The following C9orf72 variants were observed in gnomAD, a reference collection of about 807,000 sequenced individuals.
The protein encoded by C9orf72 is C9orf72-SMCR8 complex subunit, also known as guanine nucleotide exchange factor C9orf72.
In C9orf72, 44 loss-of-function variants were observed where a neutral mutation model predicts 51.6. That is an observed-to-expected ratio of 0.85 (90% CI 0.67 to 1.10). C9orf72 has a LOEUF of 1.10. Among genes scored for constraint, C9orf72 ranks in the 50% least tolerant of loss-of-function variants. The pLI is 0.00. For synonymous variants in C9orf72, 213 were observed against 194.2 expected, an observed-to-expected ratio of 1.10 and a Z score of -0.81; for missense variants, 607 against 570.6, an observed-to-expected ratio of 1.06 and a Z score of -0.65.
At chr9:27,550,145 C>T (rs1285701263) in intron 9 of C9orf72, among the ~76,000 whole-genome samples, 1 of 148,962 alleles carries the variant, frequency 6.7e-6, no homozygotes, top group Non-Finnish European at 1.5e-5. Context: ...TATATATATC[C>T]TACAATGCTG....
intron 5 of C9orf72, chr9:27,560,967 G>T (rs12347222): frequency 0.24 from 47,104 of 196,620 alleles, 5,900 homozygotes; most frequent in East Asian, 0.3. Context: ...TGTTAGCTAT[G>T]AGCTATTATT....
intron 8 of C9orf72, 43 bp from the exon 9 acceptor site, chr9:27,550,750 G>C: frequency 8.4e-7 from 1 of 1,188,354 alleles, no homozygotes; most frequent in Non-Finnish European, 1.2e-6. Flanking sequence ...AAGTTCAAAT[G>C]TTGAAATGGC....
chr9:27,558,649 A>G (rs1426573750), intron 6 of C9orf72, 42 bp from the exon 7 acceptor site: 4 of 1,004,522 alleles, frequency 4.0e-6, no homozygotes, highest in Non-Finnish European at 6.1e-6. Flanking sequence ...TGAAGTAAAA[A>G]GACCACTGAT....
At chr9:27,569,224 A>T in intron 1 of C9orf72, among the ~76,000 whole-genome samples, 2 of 152,342 alleles carry the variant, frequency 1.3e-5, no homozygotes, top group Middle Eastern at 3.4e-3. Context: ...AAGTTTACAA[A>T]GTTAAAAAGT....
rs766352238 is a variant in C9orf72, at chr9:27,556,586, T to G, written c.1066A>C (p.Thr356Pro). 2 of 1,613,524 alleles carry G rather than the reference T, an allele frequency of 1.2e-6. No homozygotes were observed. The highest frequency in any genetic ancestry group is 1.7e-6 in the Non-Finnish European group (2 of 1,179,460). The change falls in exon 8 of 11, where the codon ACT becomes CCT. Residue 356 changes from threonine to proline, a missense_variant. Transcript: ENST00000380003. ...EDMAQDTIIYTDESFTPDLNI... is the reference protein window; with the variant it reads ...EDMAQDTIIYPDESFTPDLNI... ...AAATCAGGAGTAAAGCTTTCGTCAG[T>G]GTAGATGATCGTATCCTGAGCCATG...
chr9:27,573,208 GCGCCGCCGC>G (rs546630378), intron 1 of C9orf72, among the ~76,000 whole-genome samples: 7 of 151,798 alleles, frequency 4.6e-5, no homozygotes, highest in Admixed American at 1.3e-4. Context: ...CCTTGTCCCT[GCGCCGCCGC>G]CGCCGCCGCC....
At chr9:27,562,938 G>A (rs574450431) in intron 3 of C9orf72, among the ~76,000 whole-genome samples, 1 of 152,110 alleles carries the variant, frequency 6.6e-6, no homozygotes, top group African/African-American at 2.4e-5. Context: ...ATTCTTTAGA[G>A]AGTATGGAAT....
chr9:27,573,157 T>A (rs1007049930), intron 1 of C9orf72, among the ~76,000 whole-genome samples: 4 of 151,940 alleles, frequency 2.6e-5, no homozygotes, highest in Non-Finnish European at 5.9e-5. Flanking sequence ...ACAGCTCGGG[T>A]ACTGAGGGCG....
At chr9:27,567,447 T>C (rs989442485) in intron 1 of C9orf72, among the ~76,000 whole-genome samples, 3 of 152,198 alleles carry the variant, frequency 2.0e-5, no homozygotes, top group Non-Finnish European at 2.9e-5. Context: ...TACACTGATA[T>C]TAAATGTTAC....
chr9:27,558,409 C>A, intron 7 of C9orf72, 82 bp downstream of exon 7: 1 of 779,308 alleles, frequency 1.3e-6, no homozygotes, highest in Non-Finnish European at 2.2e-6. Flanking sequence ...ACATTAAATG[C>A]TAATATTTAA....
intron 1 of C9orf72, among the ~76,000 whole-genome samples, chr9:27,572,540 T>C (rs961549516): frequency 6.6e-6 from 1 of 151,958 alleles, no homozygotes. Flanking sequence ...GAACAACTGG[T>C]GCATGGCAAC....
At chr9:27,561,688 T>TAAA (rs1819353923) in intron 4 of C9orf72, 39 bp from the exon 5 acceptor site, 1 of 1,290,544 alleles carries the variant, frequency 7.7e-7, no homozygotes. Context: ...AGTCTGGCTG[T>TAAA]AACATAGTGT....
intron 1 of C9orf72, among the ~76,000 whole-genome samples, chr9:27,572,854 C>A (rs996360135): frequency 2.0e-5 from 3 of 152,224 alleles, no homozygotes; most frequent in African/African-American, 7.2e-5. Context: ...CAGGTCATGT[C>A]CCACAGAATG....
At chr9:27,573,713 T>A (rs1194916618), upstream of C9orf72, 1 of 152,292 alleles carries the variant, frequency 6.6e-6, no homozygotes, top group Non-Finnish European at 1.5e-5. Context: ...ACACACCTCC[T>A]AAACCCACAC....
chr9:27,548,023 C>A lies in C9orf72; in HGVS notation c.*213G>T. On this transcript the variant is annotated 3_prime_UTR_variant, in exon 11 of 11. Transcript: ENST00000380003. ...ATATTGTAAACATAGGTCTGTATCC[C>A]AAAAGCATAAATCTAGGAAAAGAGA... 1 of 384,800 alleles carries A rather than the reference C, an allele frequency of 2.6e-6. No individual in the cohort carries two copies. 23.8% of individuals were successfully genotyped at this position (384,800 alleles called of 1,614,324 possible). A position where few individuals can be genotyped will look rare whatever the true frequency, so the allele number is the denominator to read the frequency against.
intron 1 of C9orf72, among the ~76,000 whole-genome samples, chr9:27,569,153 T>C (rs1310128015): frequency 6.6e-6 from 1 of 152,168 alleles, no homozygotes; most frequent in Non-Finnish European, 1.5e-5. Flanking sequence ...AAAATATTTT[T>C]GTATAGCTAT....
chr9:27,565,711 G>A, intron 2 of C9orf72, 121 bp from the exon 3 acceptor site: 2 of 621,186 alleles, frequency 3.2e-6, no homozygotes, highest in Non-Finnish European at 5.6e-6. Context: ...TCTACTTTAG[G>A]GAAAAAATGG....
chr9:27,550,691 C>T lies in C9orf72; in HGVS notation c.1108G>A (p.Val370Ile). Residue 370 changes from valine (V) to isoleucine (I), a missense_variant, in exon 9 of 11, where the codon GTC (valine) becomes ATC (isoleucine). Val to Ile is a conservative substitution (Grantham distance 29, BLOSUM62 3). Coordinates refer to ENST00000380003, the MANE Select transcript of C9orf72 (RefSeq NM_018325.5). ...FTPDLNIFQD[V>I]LHRDTLVKAF... is the part of the protein sequence containing the mutation. ...TTCACTAGAGTGTCTCTGTGTAAGA[C>T]ATCTTGAAAAATATTCCTGAAGAAA... 6.3e-7 allele frequency: 1 copy of T among 1,580,948 alleles called. No individual in the cohort carries two copies.
At chr9:27,573,630 G>A (rs1180355797), upstream of C9orf72, 1 of 152,388 alleles carries the variant, frequency 6.6e-6, no homozygotes, top group Non-Finnish European at 1.5e-5. Context: ...TCTTTATCAG[G>A]TCTTTTCTTG....
Sources: allele counts gnomAD v4.1 joint callset (sites outside exome capture counted in the v4.1 genomes callset), GRCh38; gene constraint gnomAD v4.1.1; transcripts MANE v1.5; gene names NCBI Gene and HGNC (gene_info 2026-07-23, HGNC 2026-07-21).